Variants in WWC1 observed in about 807,000 individuals in gnomAD.
WWC1 encodes protein KIBRA.
Under a neutral mutation model 138.4 loss-of-function variants are expected in WWC1, and 55 were observed. The observed-to-expected ratio is 0.40, with a 90% confidence interval of 0.32 to 0.50. WWC1 has a LOEUF of 0.50. WWC1 is among the 20% of genes least tolerant of loss of function. The pLI, the probability that WWC1 is intolerant of heterozygous loss-of-function variation, is 0.72. For missense variants in WWC1, 1,226 were observed against 1,420.4 expected (o/e 0.86, Z 2.20); for synonymous variants, 524 against 564.9 (o/e 0.93, Z 1.03).
chr5:168,388,982 G>A (rs377036441), intron 3 of WWC1, among the ~76,000 whole-genome samples: 32 of 152,244 alleles, frequency 2.1e-4, no homozygotes, highest in African/African-American at 7.5e-4. Context: ...GAACTGGGGT[G>A]GGAAGAGGGA....
chr5:168,367,734 A>G (rs1776422731), intron 1 of WWC1, among the ~76,000 whole-genome samples: 1 of 152,174 alleles, frequency 6.6e-6, no homozygotes, highest in African/African-American at 2.4e-5. Flanking sequence ...TCTTATTTGC[A>G]AAACAGAGTA....
At chr5:168,310,331 T>A (rs1770953174) in intron 1 of WWC1, among the ~76,000 whole-genome samples, 2 of 151,762 alleles carry the variant, frequency 1.3e-5, no homozygotes, top group Non-Finnish European at 2.9e-5. Flanking sequence ...CCATTTACCT[T>A]ATATTCTCTT....
At chr5:168,463,246 C>CT (rs1756974994) in intron 20 of WWC1, among the ~76,000 whole-genome samples, 1 of 152,168 alleles carries the variant, frequency 6.6e-6, no homozygotes, top group African/African-American at 2.4e-5. Flanking sequence ...GCTGAAACCT[C>CT]TAAGTGTTAA....
chr5:168,402,597 G>A (rs1284462955), intron 5 of WWC1, among the ~76,000 whole-genome samples: 5 of 152,080 alleles, frequency 3.3e-5, no homozygotes, highest in South Asian at 2.1e-4. Flanking sequence ...AGCACTTCAC[G>A]CCAGCCACCT....
rs531466948 is a variant in WWC1, at chr5:168,338,424, G to A, written c.120-33000G>A. ...AGTTTCCTTTTTTTTCTTTTTTTTT[G>A]GGGGGGGATTGAGTCTCACTCTTGT... On this transcript the variant is annotated intron_variant, in intron 1 of 22. Transcript: ENST00000265293. Among the ~76,000 whole-genome samples the A allele has an allele frequency of 2.5e-3, 206 of 81,172 alleles. 1 individual carries two copies. Among genetic ancestry groups the A allele is most frequent in the African/African-American group, 0.012 (196 of 16,364 alleles). The allele number at this position is 81,172 out of a possible 152,430, so 53.3% of individuals were successfully genotyped here.
At chr5:168,379,400 CTT>C (rs1321989692) in intron 2 of WWC1, among the ~76,000 whole-genome samples, 1 of 151,866 alleles carries the variant, frequency 6.6e-6, no homozygotes, top group East Asian at 1.9e-4. Flanking sequence ...TAACACAACT[CTT>C]TTTTTTATTT....
chr5:168,325,224 C>G (rs1772432546), intron 1 of WWC1, among the ~76,000 whole-genome samples: 1 of 152,176 alleles, frequency 6.6e-6, no homozygotes, highest in African/African-American at 2.4e-5. Context: ...ACCAACAGCT[C>G]CCACAGGGTA....
chr5:168,404,369 C>A (rs1049896889), intron 5 of WWC1, among the ~76,000 whole-genome samples: 1 of 152,248 alleles, frequency 6.6e-6, no homozygotes, highest in Admixed American at 6.5e-5. Flanking sequence ...GGGGCCGGTC[C>A]TTGCCGACCT....
chr5:168,403,051 TTTCTTTCTTTCTTTCTTTC>T lies in WWC1; in HGVS notation c.591-3144_591-3126del, dbSNP rs773689692. Among the ~76,000 whole-genome samples the T allele has an allele frequency of 9.4e-3, 1,277 of 136,452 alleles. 13 individuals carry two copies. The highest frequency in any genetic ancestry group is 0.019 in the African/African-American group (641 of 33,496). The allele number at this position is 136,452 out of a possible 152,430, so 89.5% of individuals were successfully genotyped here. On this transcript the variant is annotated intron_variant, in intron 5 of 22. Coordinates refer to ENST00000265293, the MANE Select transcript of WWC1 (RefSeq NM_015238.3). ...CTTTCTTTCTTTCTTTCTTTCTTTC[TTTCTTTCTTTCTTTCTTTC>T]TTTCTTTCTTTTCTTTCTTTTCTTT...
At position 168,421,892 on chromosome 5, in the gene WWC1, C is replaced by T. The variant is rs1185326848; in HGVS notation, c.1185-116C>T. ...GTGGAAGCTCTAGCTCCCCAGATGC[C>T]GTGGTCAAATGCTTTACGGAAAGTT... On this transcript the variant is annotated intron_variant, in intron 9 of 22. Coordinates refer to ENST00000265293, the MANE Select transcript of WWC1 (RefSeq NM_015238.3). 8 of 760,864 alleles carry T rather than the reference C, an allele frequency of 1.1e-5. No homozygotes were observed. The East Asian group carries it at 1.4e-4, about 13-fold the overall frequency. 47.1% of individuals were successfully genotyped at this position (760,864 alleles called of 1,614,324 possible). A position where few individuals can be genotyped will look rare whatever the true frequency, so the allele number is the denominator to read the frequency against.
At chr5:168,432,332 G>A (rs1782015744) in intron 15 of WWC1, among the ~76,000 whole-genome samples, 1 of 152,158 alleles carries the variant, frequency 6.6e-6, no homozygotes. Context: ...CCCTGAAACT[G>A]ACCTTCTCCG....
At chr5:168,465,907 G>A (rs1295084772) in intron 21 of WWC1, among the ~76,000 whole-genome samples, 1 of 152,142 alleles carries the variant, frequency 6.6e-6, no homozygotes, top group African/African-American at 2.4e-5. Context: ...CTCACAGCAT[G>A]AGACCTTCCA....
chr5:168,358,141 G>A (rs1775601358), intron 1 of WWC1, among the ~76,000 whole-genome samples: 1 of 152,234 alleles, frequency 6.6e-6, no homozygotes, highest in Non-Finnish European at 1.5e-5. Flanking sequence ...GGAAGGCCCT[G>A]TCTATCTGGG....
chr5:168,460,893 T>A (rs556866933), intron 20 of WWC1, 151 bp downstream of exon 20: 61 of 776,362 alleles, frequency 7.9e-5, no homozygotes, highest in Non-Finnish European at 2.5e-5. Context: ...TGCGAACAGA[T>A]GTTTGTGAAC....
intron 5 of WWC1, among the ~76,000 whole-genome samples, chr5:168,404,491 G>A (rs1252001379): frequency 6.6e-6 from 1 of 152,214 alleles, no homozygotes; most frequent in East Asian, 1.9e-4. Flanking sequence ...AACCGCAGGG[G>A]GAGCCTGTGT....
chr5:168,353,472 G>A (rs775061125), intron 1 of WWC1, among the ~76,000 whole-genome samples: 13 of 152,250 alleles, frequency 8.5e-5, no homozygotes, highest in South Asian at 4.1e-4. Context: ...GCATCAGCCT[G>A]CCGTCGTCTT....
At position 168,292,686 on chromosome 5, in the gene WWC1, T is replaced by TG. The variant is rs1446707998; in HGVS notation, c.119+419dup. 6.9e-6 allele frequency among the ~76,000 whole-genome samples: 1 copy of TG among 145,788 alleles called. No homozygotes were observed. The highest frequency in any genetic ancestry group is 2.1e-4 in the East Asian group (1 of 4,804). On this transcript the variant is annotated intron_variant, in intron 1 of 22. Coordinates refer to ENST00000265293, the MANE Select transcript of WWC1 (RefSeq NM_015238.3). This position sits in a 1 kb window ranked among gnomAD's most constrained non-coding sequence, Gnocchi z 4.4. ...CCACCCAGCGTGGGGGGTGGGCGGA[T>TG]GGGGATGGGGAAGTGTCCGGTTAGA...
intron 1 of WWC1, among the ~76,000 whole-genome samples, chr5:168,369,895 A>ATTTTTTTT (rs35999257): frequency 6.7e-5 from 6 of 89,010 alleles, no homozygotes; most frequent in African/African-American, 9.6e-5. Flanking sequence ...TCATTGTGCA[A>ATTTTTTTT]TTTTTTTTTT....
chr5:168,430,019 G>A (rs1781819383), intron 13 of WWC1, 118 bp from the exon 14 acceptor site: 1 of 725,940 alleles, frequency 1.4e-6, no homozygotes, highest in Non-Finnish European at 2.4e-6. Flanking sequence ...GTGCTCTAGA[G>A]CTCACCATAG....
Sources: gnomAD v4.1 joint callset for allele counts (sites outside exome capture counted in the v4.1 genomes callset) on GRCh38, gnomAD v4.1.1 for gene constraint, Gnocchi (gnomAD v3.1) non-coding constraint, MANE v1.5 for transcripts, NCBI Gene and HGNC (gene_info 2026-07-23, HGNC 2026-07-21) for gene names.